The following ODAD4 variants were observed in gnomAD, a reference collection of about 807,000 sequenced individuals.
The protein encoded by ODAD4 is outer dynein arm docking complex subunit 4.
ODAD4 carries 49 observed loss-of-function variants against 51.8 expected under a neutral mutation model. The ratio of observed to expected loss-of-function variants is 0.95; its 90% CI spans 0.75 to 1.20. The LOEUF (loss-of-function observed/expected upper bound fraction) is 1.20, where lower values mean the gene tolerates loss of function less well. Among genes scored for constraint, ODAD4 ranks in the 50% most tolerant of loss-of-function variants. ODAD4 has a pLI of 0.00. For synonymous variants in ODAD4, 235 were observed against 221.3 expected (o/e 1.06, Z -0.55); for missense variants, 590 against 586.5 (o/e 1.01, Z -0.06).
chr17:41,944,383 AAC>A lies in ODAD4; in HGVS notation c.1059-747_1059-746del, dbSNP rs1238966117. Among the ~76,000 whole-genome samples the A allele has an allele frequency of 1.9e-4, 22 of 115,898 alleles. No homozygotes were observed. In the South Asian group the frequency reaches 4.8e-3, roughly 26 times the overall value. The allele number at this position is 115,898 out of a possible 152,430, so 76.0% of individuals were successfully genotyped here. A position where few individuals can be genotyped will look rare whatever the true frequency, so the allele number is the denominator to read the frequency against. On this transcript the variant is annotated intron_variant, in intron 7 of 11. Coordinates refer to ENST00000377540, the MANE Select transcript of ODAD4 (RefSeq NM_031421.5). ...TGTCTCAAAAAACAAACAAACCCCA[AAC>A]ACACATACACACACACACACACACA...
intron 10 of ODAD4, among the ~76,000 whole-genome samples, chr17:41,957,546 G>C (rs537237731): frequency 6.6e-6 from 1 of 152,260 alleles, no homozygotes; most frequent in Admixed American, 6.5e-5. Context: ...CTTGCAGTTT[G>C]AAAAATACCA....
chr17:41,955,786 T>C (rs1347597771), intron 10 of ODAD4, among the ~76,000 whole-genome samples: 1 of 152,160 alleles, frequency 6.6e-6, no homozygotes, highest in Admixed American at 6.6e-5. Context: ...TGATATTTCC[T>C]ATTACATTCT....
intron 10 of ODAD4, among the ~76,000 whole-genome samples, chr17:41,957,157 C>T (rs1386277748): frequency 1.3e-5 from 2 of 152,042 alleles, no homozygotes; most frequent in Admixed American, 1.3e-4. Context: ...CCTCCTGCCT[C>T]GGGCTTCCAA....
In ODAD4 at chr17:41,945,121, GCTT is replaced by G. The variant is rs782108596; in HGVS notation, c.1059-10_1059-8del. 4 of 1,606,628 alleles carry G rather than the reference GCTT, an allele frequency of 2.5e-6. No individual in the cohort carries two copies. In the South Asian group the frequency reaches 4.4e-5, roughly 18 times the overall value. ...TGATTTCTAGTGAATGGCTTGTTTT[GCTT>G]CTTCCCCACAGTGACCTTCCTGATG... On this transcript the variant is annotated splice_polypyrimidine_tract_variant and intron_variant, in intron 7 of 11. Transcript: ENST00000377540.
At chr17:41,942,248 A>G (rs2050517177) in intron 7 of ODAD4, among the ~76,000 whole-genome samples, 1 of 152,030 alleles carries the variant, frequency 6.6e-6, no homozygotes, top group South Asian at 2.1e-4. Flanking sequence ...TTAGTTTTTA[A>G]CATCCACAAA....
At chr17:41,950,032 C>A (rs992083590) in intron 9 of ODAD4, among the ~76,000 whole-genome samples, 8,353 of 152,006 alleles carry the variant, frequency 0.055, 307 homozygotes, top group Non-Finnish European at 0.08. Context: ...TGCAGGGGCA[C>A]GATCTCAGCT....
chr17:41,956,300 C>T (rs1433255183), intron 10 of ODAD4, among the ~76,000 whole-genome samples: 2 of 151,774 alleles, frequency 1.3e-5, no homozygotes, highest in South Asian at 2.1e-4. Context: ...CTGTCTGCCT[C>T]GGCCTCCCAA....
At position 41,930,845 on chromosome 17, in the gene ODAD4, G is replaced by T; in HGVS notation, c.114+8G>T. 7.2e-7 allele frequency: 1 copy of T among 1,386,428 alleles called. No individual in the cohort carries two copies. The highest frequency in any genetic ancestry group is 1.2e-5 in the South Asian group (1 of 82,632). The allele number at this position is 1,386,428 out of a possible 1,614,324, so 85.9% of individuals were successfully genotyped here. ...GCGCAGAGCTTCAGCAACGTGAGTCGAGCTCTCAACCTATCCATCACCCCA... is the reference window on the plus strand; with the variant it reads ...GCGCAGAGCTTCAGCAACGTGAGTCTAGCTCTCAACCTATCCATCACCCCA... On this transcript the variant is annotated splice_region_variant and intron_variant, in intron 1 of 11. Coordinates refer to ENST00000377540, the MANE Select transcript of ODAD4 (RefSeq NM_031421.5).
At chr17:41,948,927 C>A (rs1171154159) in intron 8 of ODAD4, among the ~76,000 whole-genome samples, 1 of 152,184 alleles carries the variant, frequency 6.6e-6, no homozygotes, top group East Asian at 1.9e-4. Context: ...TGAGCCACCA[C>A]GCCAGCCTCA....
chr17:41,931,909 T>TTTGTTGTTGTTG (rs56275098), intron 1 of ODAD4, among the ~76,000 whole-genome samples: 9,864 of 149,162 alleles, frequency 0.066, 478 homozygotes, highest in African/African-American at 0.13. Flanking sequence ...GGTGATGGTT[T>TTTGTTGTTGTTG]TTGTTGTTGT....
intron 1 of ODAD4, among the ~76,000 whole-genome samples, chr17:41,932,757 G>A (rs1555637137): frequency 1.6e-5 from 2 of 127,670 alleles, no homozygotes; most frequent in Non-Finnish European, 3.2e-5. Context: ...AGAGATAGGT[G>A]TTTTGCTATG....
At chr17:41,964,254 T>C (rs2050844911) in intron 11 of ODAD4, among the ~76,000 whole-genome samples, 1 of 151,856 alleles carries the variant, frequency 6.6e-6, no homozygotes, top group Admixed American at 6.6e-5. Flanking sequence ...AGAGACGGGG[T>C]TTCACCTTGT....
At chr17:41,944,442 A>C (rs562890470) in intron 7 of ODAD4, among the ~76,000 whole-genome samples, 1,134 of 5,036 alleles carry the variant, frequency 0.23, 49 homozygotes, top group African/African-American at 0.3. Context: ...ACACACACAC[A>C]CACCCCCCCG....
chr17:41,935,527 C>T, intron 2 of ODAD4, 72 bp from the exon 3 acceptor site: 1 of 1,551,296 alleles, frequency 6.4e-7, no homozygotes, highest in Admixed American at 2.0e-5. Flanking sequence ...ACCCAGGACC[C>T]TTCTGTTCCA....
rs1238797924 is a variant in ODAD4, at chr17:41,945,047, G to A, written c.1059-89G>A. ...CTGAAACCCTGAGTTTCTGAGGCCA[G>A]GGCTCCTGTCTTTGCCTTCTTTCCT... On this transcript the variant is annotated intron_variant, in intron 7 of 11. Coordinates refer to ENST00000377540, the MANE Select transcript of ODAD4 (RefSeq NM_031421.5). 2.9e-6 allele frequency: 3 copies of A among 1,037,834 alleles called. No individual in the cohort carries two copies. In the East Asian group the frequency reaches 7.8e-5, roughly 27 times the overall value. 64.3% of individuals were successfully genotyped at this position (1,037,834 alleles called of 1,614,324 possible). A position where few individuals can be genotyped will look rare whatever the true frequency, so the allele number is the denominator to read the frequency against.
Position 41,930,867 on chromosome 17 carries a change from C to A in ODAD4, c.114+30C>A, listed in dbSNP as rs782226379. 6 of 936,922 alleles carry A rather than the reference C, an allele frequency of 6.4e-6. No homozygotes were observed. In the East Asian group the frequency reaches 8.0e-5, roughly 13 times the overall value. 58.0% of individuals were successfully genotyped at this position (936,922 alleles called of 1,614,324 possible). A position where few individuals can be genotyped will look rare whatever the true frequency, so the allele number is the denominator to read the frequency against. On this transcript the variant is annotated intron_variant, in intron 1 of 11. Transcript: ENST00000377540. Reference sequence around the variant, plus strand: ...GTCGAGCTCTCAACCTATCCATCACCCCATCACCCGTCACTTTTTTTTTTT... The same window carrying A: ...GTCGAGCTCTCAACCTATCCATCACACCATCACCCGTCACTTTTTTTTTTT...
chr17:41,941,551 C>T (rs1212416159), intron 7 of ODAD4, among the ~76,000 whole-genome samples: 1 of 152,036 alleles, frequency 6.6e-6, no homozygotes, highest in Admixed American at 6.6e-5. Context: ...ATCACGAGGT[C>T]AGGAGATCGA....
At chr17:41,930,980 G>A (rs1482698777) in intron 1 of ODAD4, 143 bp downstream of exon 1, 2 of 528,970 alleles carry the variant, frequency 3.8e-6, no homozygotes, top group Non-Finnish European at 6.4e-6. Flanking sequence ...CGCAACCTCC[G>A]CCTCCCGGGT....
intron 10 of ODAD4, among the ~76,000 whole-genome samples, chr17:41,956,485 CTT>C (rs33985289): frequency 2.7e-5 from 3 of 110,930 alleles, no homozygotes; most frequent in Non-Finnish European, 3.5e-5. Context: ...CATGCCCGGC[CTT>C]TTTTTTTTTT....
Sources: gnomAD v4.1 joint callset for allele counts (sites outside exome capture counted in the v4.1 genomes callset) on GRCh38, gnomAD v4.1.1 for gene constraint, MANE v1.5 for transcripts, NCBI Gene and HGNC (gene_info 2026-07-23, HGNC 2026-07-21) for gene names.